CHIA: variants seen among roughly 807,000 people sequenced by gnomAD.
The protein encoded by CHIA is acidic mammalian chitinase.
A neutral mutation model predicts 53.5 loss-of-function variants in CHIA; 47 were observed. The observed-to-expected ratio is 0.88, with a 90% CI of 0.70 to 1.12. The LOEUF (loss-of-function observed/expected upper bound fraction) is 1.12. CHIA is among the 50% of genes most tolerant of loss of function. The probability of loss-of-function intolerance (pLI) is 0.00; values close to 1 mark genes in which losing one functional copy is unlikely to be tolerated. For synonymous variants in CHIA, 268 were observed against 222.2 expected, an observed-to-expected ratio of 1.21 and a Z score of -1.83; for missense variants, 652 against 592.2, an observed-to-expected ratio of 1.10 and a Z score of -1.05.
intron 4 of CHIA, among the ~76,000 whole-genome samples, chr1:111,313,438 G>A (rs555233700): frequency 6.6e-6 from 1 of 152,152 alleles, no homozygotes; most frequent in South Asian, 2.1e-4. Flanking sequence ...TTGACCATTG[G>A]TATGTCTTCT....
chr1:111,309,884 A>C (rs1362623792), intron 1 of CHIA, among the ~76,000 whole-genome samples: 2 of 152,360 alleles, frequency 1.3e-5, no homozygotes, highest in East Asian at 3.9e-4. Context: ...TTTGAGATCC[A>C]AACATTCTTA....
At chr1:111,315,698 A>G (rs930186602) in intron 6 of CHIA, 18 of 532,526 alleles carry the variant, frequency 3.4e-5, no homozygotes, top group African/African-American at 3.0e-4. Context: ...ACTCTATGGC[A>G]TACATACTAT....
In CHIA at chr1:111,317,755, T is replaced by A; in HGVS notation, c.555T>A (p.Ala185=). 1 of 1,613,880 alleles carries A rather than the reference T, an allele frequency of 6.2e-7. No homozygotes were observed. The highest frequency in any genetic ancestry group is 2.2e-5 in the East Asian group (1 of 44,874). The change falls in exon 7 of 12, where the codon GCT becomes GCA. Residue 185 remains alanine (A), a synonymous_variant. Transcript: ENST00000369740. ...KPRLMVTAAV[A]AGISNIQSGY... is the part of the protein sequence containing the mutation. ...GGCTGATGGTCACTGCTGCAGTAGC[T>A]GCTGGCATCTCCAATATCCAGTCTG... is the stretch of plus-strand genomic sequence containing the variant.
At chr1:111,315,800 A>G (rs1310857931) in intron 6 of CHIA, 2 of 459,246 alleles carry the variant, frequency 4.4e-6, no homozygotes, top group Admixed American at 2.3e-5. Context: ...AGTAGGAATC[A>G]TAACTTCCTC....
chr1:111,311,497 C>T (rs141439705), intron 2 of CHIA, among the ~76,000 whole-genome samples, 192 bp from the exon 3 acceptor site: 58 of 152,184 alleles, frequency 3.8e-4, no homozygotes, highest in Middle Eastern at 3.4e-3. Flanking sequence ...GAAGGTACCA[C>T]GGTCATTTTT....
intron 1 of CHIA, among the ~76,000 whole-genome samples, chr1:111,292,530 G>C (rs1391952124): frequency 6.6e-6 from 1 of 152,104 alleles, no homozygotes. Flanking sequence ...GACTGCATGG[G>C]CCAGTCTCCG....
At chr1:111,310,074 TTTTA>T (rs1648537341) in intron 1 of CHIA, among the ~76,000 whole-genome samples, 1 of 152,208 alleles carries the variant, frequency 6.6e-6, no homozygotes, top group Non-Finnish European at 1.5e-5. Flanking sequence ...CAAAGTTTCT[TTTTA>T]TTTATTTTTC....
rs1291047865 is a variant in CHIA, at chr1:111,315,375, G to T, written c.420G>T (p.Glu140Asp). 6.2e-7 allele frequency: 1 copy of T among 1,613,986 alleles called. No homozygotes were observed. The highest frequency in any genetic ancestry group is 2.2e-5 in the East Asian group (1 of 44,898). The change falls in exon 6 of 12, where the codon GAG (glutamate) becomes GAT (aspartate). Residue 140 changes from glutamate to aspartate, a missense_variant. Coordinates refer to ENST00000369740, the MANE Select transcript of CHIA (RefSeq NM_201653.4). ...YEFDGLDFDW[E>D]YPGSRGSPPQ... Reference sequence around the variant, plus strand: ...TTGACGGGCTGGACTTTGACTGGGAGTACCCTGGCTCTCGTGGGAGCCCTC... The same window carrying T: ...TTGACGGGCTGGACTTTGACTGGGATTACCCTGGCTCTCGTGGGAGCCCTC...
chr1:111,299,946 CAGAG>C (rs1218625155), intron 1 of CHIA, among the ~76,000 whole-genome samples: 1 of 152,142 alleles, frequency 6.6e-6, no homozygotes, highest in Non-Finnish European at 1.5e-5. Flanking sequence ...AACAGACAAA[CAGAG>C]AGCCAAATCA....
chr1:111,308,533 G>A (rs962257161), intron 1 of CHIA, among the ~76,000 whole-genome samples: 1 of 152,116 alleles, frequency 6.6e-6, no homozygotes, highest in Non-Finnish European at 1.5e-5. Flanking sequence ...ATAAAGTCAA[G>A]CCCTCTGATG....
At chr1:111,296,981 G>T (rs1160106658) in intron 1 of CHIA, among the ~76,000 whole-genome samples, 2 of 152,166 alleles carry the variant, frequency 1.3e-5, no homozygotes, top group African/African-American at 4.8e-5. Flanking sequence ...ATCCGTGATT[G>T]AAGATCAAAT....
intron 1 of CHIA, among the ~76,000 whole-genome samples, chr1:111,299,319 C>A (rs1438132419): frequency 6.6e-6 from 1 of 152,284 alleles, no homozygotes; most frequent in Middle Eastern, 3.4e-3. Flanking sequence ...CCCTGATGAC[C>A]ATTGATGCAA....
intron 1 of CHIA, among the ~76,000 whole-genome samples, chr1:111,292,526 A>T (rs1039978676): frequency 1.3e-5 from 2 of 152,212 alleles, no homozygotes; most frequent in Non-Finnish European, 2.9e-5. Context: ...CATTGACTGC[A>T]TGGGCCAGTC....
intron 6 of CHIA, 130 bp from the exon 7 acceptor site, chr1:111,317,551 C>G: frequency 9.7e-7 from 1 of 1,027,042 alleles, no homozygotes; most frequent in Non-Finnish European, 1.4e-6. Context: ...TGTTGAGAGA[C>G]TAAAGTAAAA....
At chr1:111,317,961 T>C in intron 7 of CHIA, 25 bp from the exon 8 acceptor site, 1 of 1,613,940 alleles carries the variant, frequency 6.2e-7, no homozygotes, top group Non-Finnish European at 8.5e-7. Context: ...ATCAGAATGA[T>C]TTTAAATCCT....
chr1:111,311,544 C>A, intron 2 of CHIA, 145 bp from the exon 3 acceptor site: 1 of 855,484 alleles, frequency 1.2e-6, no homozygotes, highest in Non-Finnish European at 1.9e-6. Flanking sequence ...CTGTTGTATT[C>A]ACTGAAAAGC....
At position 111,311,727 on chromosome 1, in the gene CHIA, T is replaced by G; in HGVS notation, c.55+9T>G. ...ACTGAATTTGCAGCTCGGTAAGTCATGGACTCCATGTTTTATCATTGAATG... is the reference window on the plus strand; with the variant it reads ...ACTGAATTTGCAGCTCGGTAAGTCAGGGACTCCATGTTTTATCATTGAATG... On this transcript the variant is annotated intron_variant, in intron 3 of 11. Transcript: ENST00000369740. 1 of 1,613,146 alleles carries G rather than the reference T, an allele frequency of 6.2e-7. No individual in the cohort carries two copies. Among genetic ancestry groups the G allele is most frequent in the East Asian group, 2.2e-5 (1 of 44,870 alleles).
intron 1 of CHIA, among the ~76,000 whole-genome samples, chr1:111,295,574 T>C (rs968594922): frequency 2.6e-5 from 4 of 151,906 alleles, no homozygotes; most frequent in Non-Finnish European, 5.9e-5. Context: ...CAGCTCCCAG[T>C]GTGATCAACG....
chr1:111,299,955 A>G (rs1044290474), intron 1 of CHIA, among the ~76,000 whole-genome samples: 22 of 152,324 alleles, frequency 1.4e-4, no homozygotes, highest in African/African-American at 5.1e-4. Flanking sequence ...ACAGAGAGCC[A>G]AATCATGAGT....
Sources: allele counts gnomAD v4.1 joint callset (sites outside exome capture counted in the v4.1 genomes callset), GRCh38; gene constraint gnomAD v4.1.1; transcripts MANE v1.5; gene names NCBI Gene and HGNC (gene_info 2026-07-23, HGNC 2026-07-21).